GMPR: variants seen among roughly 807,000 people sequenced by gnomAD.
The protein encoded by GMPR is guanosine monophosphate reductase.
A neutral mutation model predicts 38.4 loss-of-function variants in GMPR; 31 were observed. The ratio of observed to expected loss-of-function variants is 0.81; its 90% CI spans 0.61 to 1.09. The LOEUF is 1.09. GMPR is among the 50% of genes least tolerant of loss of function. The probability of loss-of-function intolerance (pLI) is 0.00; values close to 1 mark genes in which losing one functional copy is unlikely to be tolerated. For missense variants in GMPR, 468 were observed against 453.7 expected (o/e 1.03, Z -0.29); for synonymous variants, 162 against 173.3 (o/e 0.93, Z 0.51).
At chr6:16,290,694 G>A in intron 8 of GMPR, 73 bp downstream of exon 8, 3 of 1,309,484 alleles carry the variant, frequency 2.3e-6, no homozygotes, top group African/African-American at 2.9e-5. Context: ...ATGGAAGCAG[G>A]TCTGAATAGC....
intron 2 of GMPR, among the ~76,000 whole-genome samples, chr6:16,249,225 T>C (rs1306937693): frequency 4.2e-5 from 6 of 143,166 alleles, no homozygotes; most frequent in Non-Finnish European, 7.4e-5. Flanking sequence ...CAGGCTGGAG[T>C]GCAATGGCAC....
chr6:16,272,789 T>G (rs1759408178), intron 4 of GMPR, among the ~76,000 whole-genome samples: 1 of 152,180 alleles, frequency 6.6e-6, no homozygotes, highest in African/African-American at 2.4e-5. Context: ...TTGTTGATTG[T>G]ATGAATATCT....
At chr6:16,259,744 G>T (rs1310140759) in intron 4 of GMPR, among the ~76,000 whole-genome samples, 1 of 151,840 alleles carries the variant, frequency 6.6e-6, no homozygotes, top group African/African-American at 2.4e-5. Flanking sequence ...AGGTATTAAA[G>T]GTCTAAGAAT....
At chr6:16,259,803 A>G (rs147268837) in intron 4 of GMPR, among the ~76,000 whole-genome samples, 9,086 of 152,036 alleles carry the variant, frequency 0.06, 266 homozygotes, top group African/African-American at 0.16. Flanking sequence ...AATTCAGCAT[A>G]GTCCTGTCAG....
At chr6:16,289,607 T>C (rs1289945372) in intron 7 of GMPR, 6 of 152,178 alleles carry the variant, frequency 3.9e-5, no homozygotes, top group African/African-American at 1.2e-4. Flanking sequence ...GGAAATCTAA[T>C]GTGCAGCAGC....
rs772728813 is a variant in GMPR, at chr6:16,285,822, C to A, written c.684C>A (p.Val228=). 1 of 1,612,276 alleles carries A rather than the reference C, an allele frequency of 6.2e-7. No homozygotes were observed. Among genetic ancestry groups the A allele is most frequent in the Non-Finnish European group, 8.5e-7 (1 of 1,179,170 alleles). The change falls in exon 7 of 9, where the codon GTC becomes GTA. Residue 228 remains valine, a synonymous_variant. Coordinates refer to ENST00000259727, the MANE Select transcript of GMPR (RefSeq NM_006877.4). ...SDGGCTCPGD[V]AKAFGAGADF... ...GAGGCTGTACGTGTCCAGGGGATGT[C>A]GCCAAAGCCTTTGGTAAGGCCGGGC...
chr6:16,244,840 G>A lies in GMPR; in HGVS notation c.88-2002G>A, dbSNP rs1004716343. Among the ~76,000 whole-genome samples the A allele has an allele frequency of 6.6e-5, 10 of 152,108 alleles. No homozygotes were observed. In the East Asian group the frequency reaches 7.7e-4, roughly 12 times the overall value. ...TTTATTTTTCATTCTTAGAATTAAC[G>A]ATGGCAAAGAGCTAGCTCATAAAAA... On this transcript the variant is annotated intron_variant, in intron 1 of 8. Transcript: ENST00000259727.
At chr6:16,294,547 G>A (rs932412742) in intron 8 of GMPR, among the ~76,000 whole-genome samples, 2 of 152,234 alleles carry the variant, frequency 1.3e-5, no homozygotes, top group African/African-American at 4.8e-5. Flanking sequence ...TAGGAGGACA[G>A]GAGGCTGTTT....
At chr6:16,276,663 T>G (rs1759478221) in intron 5 of GMPR, among the ~76,000 whole-genome samples, 2 of 152,234 alleles carry the variant, frequency 1.3e-5, no homozygotes, top group South Asian at 4.1e-4. Flanking sequence ...CTGAGCCCAA[T>G]GCATGGGAGC....
intron 3 of GMPR, among the ~76,000 whole-genome samples, chr6:16,252,929 T>C (rs940488786): frequency 1.3e-5 from 2 of 152,208 alleles, no homozygotes; most frequent in Non-Finnish European, 2.9e-5. Flanking sequence ...TTGTTATCAT[T>C]TGGGGGAATA....
intron 4 of GMPR, among the ~76,000 whole-genome samples, chr6:16,261,317 A>G (rs924819456): frequency 1.3e-5 from 2 of 151,984 alleles, no homozygotes; most frequent in Non-Finnish European, 2.9e-5. Flanking sequence ...ATAAGGAGAA[A>G]ATTTGGGCTT....
intron 3 of GMPR, 109 bp from the exon 4 acceptor site, chr6:16,254,451 TAG>T: frequency 2.4e-6 from 2 of 843,794 alleles, no homozygotes; most frequent in Non-Finnish European, 3.9e-6. Context: ...TTGATTAGGG[TAG>T]ACCGAAAAGG....
At position 16,254,554 on chromosome 6, in the gene GMPR, T is replaced by G. The variant is rs1758936279; in HGVS notation, c.292-8T>G. The G allele has an allele frequency of 6.2e-7, 1 of 1,611,966 alleles. No homozygotes were observed. The highest frequency in any genetic ancestry group is 1.3e-5 in the African/African-American group (1 of 74,886). On this transcript the variant is annotated splice_polypyrimidine_tract_variant and splice_region_variant and intron_variant, in intron 3 of 8. Transcript: ENST00000259727. ...TTATGCCTGTCTTCTTGGTTTATTT[T>G]GGTGCAGAATGTAGCCGTGAGTTCA...
At chr6:16,265,990 G>A (rs553060216) in intron 4 of GMPR, among the ~76,000 whole-genome samples, 3 of 152,286 alleles carry the variant, frequency 2.0e-5, no homozygotes, top group East Asian at 3.9e-4. Context: ...CAACCTTTAA[G>A]AGCTGTAACA....
At chr6:16,242,706 T>C (rs963831910) in intron 1 of GMPR, among the ~76,000 whole-genome samples, 20 of 152,166 alleles carry the variant, frequency 1.3e-4, no homozygotes, top group Non-Finnish European at 2.4e-4. Context: ...TGGCGTGATC[T>C]TGTCTCACCG....
chr6:16,290,738 G>C lies in GMPR; in HGVS notation c.857+117G>C, dbSNP rs1244789040. The C allele has an allele frequency of 5.8e-6, 5 of 869,392 alleles. No individual in the cohort carries two copies. In the East Asian group the frequency reaches 1.3e-4, roughly 22 times the overall value. 53.9% of individuals were successfully genotyped at this position (869,392 alleles called of 1,614,324 possible). ...GTATATTAAAGTACCGTGGGAAGGG[G>C]TTCTTTTTAAAGACCCCTAATTTGT... On this transcript the variant is annotated intron_variant, in intron 8 of 8. Transcript: ENST00000259727.
chr6:16,240,901 T>C (rs1237817004), intron 1 of GMPR, among the ~76,000 whole-genome samples: 1 of 152,078 alleles, frequency 6.6e-6, no homozygotes, highest in Non-Finnish European at 1.5e-5. Context: ...TTCTAATCGG[T>C]TGCCGTGATG....
chr6:16,290,728 G>C, intron 8 of GMPR, 107 bp downstream of exon 8: 1 of 902,864 alleles, frequency 1.1e-6, no homozygotes, highest in Non-Finnish European at 1.7e-6. Context: ...TTAAAGTACC[G>C]TGGGAAGGGG....
At chr6:16,286,504 G>A (rs1186640723) in intron 7 of GMPR, among the ~76,000 whole-genome samples, 1 of 151,980 alleles carries the variant, frequency 6.6e-6, no homozygotes, top group Non-Finnish European at 1.5e-5. Flanking sequence ...GCCGGCGGGA[G>A]GCAGAAACGA....
Sources: allele counts gnomAD v4.1 joint callset (sites outside exome capture counted in the v4.1 genomes callset), GRCh38; gene constraint gnomAD v4.1.1; transcripts MANE v1.5; gene names NCBI Gene and HGNC (gene_info 2026-07-23, HGNC 2026-07-21).